The following TMEM130 variants were observed in gnomAD, a reference collection of about 807,000 sequenced individuals.
The protein encoded by TMEM130 is transmembrane protein 130.
TMEM130 carries 37 observed loss-of-function variants against 42.9 expected under a neutral mutation model. The observed-to-expected ratio is 0.86, with a 90% CI of 0.66 to 1.13. The LOEUF (loss-of-function observed/expected upper bound fraction) is 1.13. Ranked by LOEUF, TMEM130 falls within the 50% of genes most tolerant of loss-of-function variation. The pLI is 0.00. For missense variants in TMEM130, 545 were observed against 562.6 expected (o/e 0.97, Z 0.32); for synonymous variants, 259 against 237.7 (o/e 1.09, Z -0.82).
At position 98,869,661 on chromosome 7, in the gene TMEM130, A is replaced by G. The variant is rs1794986789; in HGVS notation, c.85+116T>C. 1 of 760,670 alleles carries G rather than the reference A, an allele frequency of 1.3e-6. No homozygotes were observed. Among genetic ancestry groups the G allele is most frequent in the Non-Finnish European group, 1.9e-6 (1 of 535,814 alleles). 47.1% of individuals were successfully genotyped at this position (760,670 alleles called of 1,614,324 possible). A position where few individuals can be genotyped will look rare whatever the true frequency, so the allele number is the denominator to read the frequency against. On this transcript the variant is annotated intron_variant, in intron 1 of 7. Coordinates refer to ENST00000339375, the MANE Select transcript of TMEM130 (RefSeq NM_152913.3). The surrounding 1 kb of genome is among the most constrained non-coding windows in gnomAD (Gnocchi z 4.7). The stretch of plus-strand genomic sequence containing the variant: ...CTCAGCCGAGGAGGGAGATGCGCGC[A>G]GGGCGCACGGTGCCACCTCCGCAAT...
chr7:98,850,273 A>ATATATATATATATTTTTTTT, intron 6 of TMEM130, among the ~76,000 whole-genome samples: 2 of 35,460 alleles, frequency 5.6e-5, no homozygotes, highest in Non-Finnish European at 6.3e-5. Flanking sequence ...ATATATATAT[A>ATATATATATATATTTTTTTT]TTTTTTTTTT....
chr7:98,848,558 A>C (rs782057032), intron 7 of TMEM130, 25 bp downstream of exon 7: 1 of 1,500,800 alleles, frequency 6.7e-7, no homozygotes, highest in South Asian at 1.1e-5. Flanking sequence ...CCAGTAGTCC[A>C]GCCCCCACCC....
chr7:98,853,508 A>C (rs1328192256), intron 5 of TMEM130, among the ~76,000 whole-genome samples: 1 of 152,116 alleles, frequency 6.6e-6, no homozygotes, highest in African/African-American at 2.4e-5. Flanking sequence ...CGCACCTGTA[A>C]TCCCAGCTAC....
chr7:98,862,642 G>A (rs1015813852), intron 2 of TMEM130, among the ~76,000 whole-genome samples: 10 of 152,040 alleles, frequency 6.6e-5, no homozygotes, highest in Admixed American at 5.2e-4. Flanking sequence ...GGGATTATAG[G>A]TGCCCACCAC....
Position 98,869,782 on chromosome 7 carries a change from G to T in TMEM130, c.80C>A (p.Ala27Asp). The T allele has an allele frequency of 1.4e-6, 2 of 1,413,218 alleles. No individual in the cohort carries two copies. Among genetic ancestry groups the T allele is most frequent in the Non-Finnish European group, 1.8e-6 (2 of 1,085,766 alleles). 87.5% of individuals were successfully genotyped at this position (1,413,218 alleles called of 1,614,324 possible). The change falls in exon 1 of 8, where the codon GCC becomes GAC. Residue 27 changes from alanine to aspartate, a missense_variant. Physicochemically the swap from Ala to Asp is moderately radical, Grantham distance 126. Coordinates refer to ENST00000339375, the MANE Select transcript of TMEM130 (RefSeq NM_152913.3). The surrounding 1 kb of genome is among the most constrained non-coding windows in gnomAD (Gnocchi z 4.7). ...CLLPWAPAGV[A>D]AGLYELNLTT... ...CGGATTGCCCAGCGCCTTACCTGCG[G>T]CCACCCCTGCCGGGGCCCAGGGCAG...
chr7:98,862,225 T>TGAGA (rs142185632), intron 2 of TMEM130, among the ~76,000 whole-genome samples: 1 of 146,804 alleles, frequency 6.8e-6, no homozygotes, highest in African/African-American at 2.5e-5. Flanking sequence ...TCTCTTGGAA[T>TGAGA]GAGAGAGAGA....
chr7:98,850,871 C>T (rs1203844), intron 6 of TMEM130, among the ~76,000 whole-genome samples: 111,175 of 151,614 alleles, frequency 0.73, 40,846 homozygotes, highest in East Asian at 0.8. Flanking sequence ...GCTCATTTGG[C>T]GCAAAAGTGT....
intron 7 of TMEM130, 24 bp from the exon 8 acceptor site, chr7:98,848,232 C>A: frequency 1.9e-6 from 3 of 1,613,584 alleles, no homozygotes; most frequent in South Asian, 1.1e-5. Flanking sequence ...GGGGAAAAGT[C>A]AAAATCAGCC....
chr7:98,868,019 A>G (rs531355973), intron 1 of TMEM130, among the ~76,000 whole-genome samples: 2 of 152,352 alleles, frequency 1.3e-5, no homozygotes, highest in Admixed American at 1.3e-4. Flanking sequence ...ACCTGAGGCC[A>G]GAGGTTCGAG....
At chr7:98,857,369 CA>C (rs555865797) in intron 3 of TMEM130, among the ~76,000 whole-genome samples, 146 of 152,196 alleles carry the variant, frequency 9.6e-4, no homozygotes, top group African/African-American at 3.4e-3. Flanking sequence ...GGTATTTGAC[CA>C]CAGGTCACTT....
intron 1 of TMEM130, among the ~76,000 whole-genome samples, chr7:98,865,328 C>T (rs1434818367): frequency 6.6e-6 from 1 of 152,232 alleles, no homozygotes; most frequent in Non-Finnish European, 1.5e-5. Flanking sequence ...GAAAGGCTGG[C>T]CAGGCGTGGT....
chr7:98,850,353 C>T (rs1364996428), intron 6 of TMEM130, among the ~76,000 whole-genome samples: 1 of 148,400 alleles, frequency 6.7e-6, no homozygotes, highest in African/African-American at 2.5e-5. Context: ...TCTCAGCTCA[C>T]TGCAACCTCC....
At chr7:98,866,928 CA>C (rs34072337) in intron 1 of TMEM130, 12 of 146,672 alleles carry the variant, frequency 8.2e-5, no homozygotes, top group Middle Eastern at 3.2e-3. Flanking sequence ...CCATTCTCTA[CA>C]AAAAAAAAAA....
chr7:98,854,212 G>A (rs959597211), intron 5 of TMEM130, among the ~76,000 whole-genome samples: 1 of 151,876 alleles, frequency 6.6e-6, no homozygotes, highest in Non-Finnish European at 1.5e-5. Flanking sequence ...CTCAGAAAAG[G>A]CTTTTGAAGG....
intron 5 of TMEM130, among the ~76,000 whole-genome samples, chr7:98,852,776 G>A (rs1794541156): frequency 6.6e-6 from 1 of 151,524 alleles, no homozygotes; most frequent in Non-Finnish European, 1.5e-5. Context: ...TGTATTTTTT[G>A]GTAGAGACCA....
intron 2 of TMEM130, among the ~76,000 whole-genome samples, chr7:98,861,220 C>A (rs1794764676): frequency 6.6e-6 from 1 of 151,872 alleles, no homozygotes; most frequent in South Asian, 2.1e-4. Context: ...CACCTGTAGT[C>A]CCAGCTACTT....
intron 6 of TMEM130, among the ~76,000 whole-genome samples, chr7:98,851,002 C>T (rs768207812): frequency 1.3e-5 from 2 of 151,978 alleles, no homozygotes. Context: ...TGGGTAGGGT[C>T]GGGGTCATTG....
intron 6 of TMEM130, among the ~76,000 whole-genome samples, chr7:98,850,521 C>G (rs554912470): frequency 6.6e-6 from 1 of 151,628 alleles, no homozygotes; most frequent in Admixed American, 6.6e-5. Context: ...TCAAGTGATC[C>G]ACCCACCTCG....
rs187427818 is a variant in TMEM130 at position 98,861,810 on chromosome 7, A to C, written c.391+1285T>G. On this transcript the variant is annotated intron_variant, in intron 2 of 7. Coordinates refer to ENST00000339375, the MANE Select transcript of TMEM130 (RefSeq NM_152913.3). ...GGAAAATGTTCAAACATAAAATAAG[A>C]AGAAAAGAAGCTAACTAACATTCAC... is the stretch of plus-strand genomic sequence containing the variant. 1.3e-3 allele frequency among the ~76,000 whole-genome samples: 193 copies of C among 152,332 alleles called. 1 individual carries two copies. The highest frequency in any genetic ancestry group is 4.5e-3 in the African/African-American group (187 of 41,578).
Sources: allele counts gnomAD v4.1 joint callset (sites outside exome capture counted in the v4.1 genomes callset), GRCh38; gene constraint gnomAD v4.1.1; non-coding constraint Gnocchi (gnomAD v3.1); transcripts MANE v1.5; gene names NCBI Gene and HGNC (gene_info 2026-07-23, HGNC 2026-07-21).